AP2B1: variants seen among roughly 807,000 people sequenced by gnomAD.
AP2B1 encodes adaptor related protein complex 2 subunit beta 1.
A neutral mutation model predicts 102.0 loss-of-function variants in AP2B1; 23 were observed. That is an observed-to-expected ratio of 0.23 (90% CI 0.16 to 0.32). The LOEUF (loss-of-function observed/expected upper bound fraction) is 0.32. Ranked by LOEUF, AP2B1 falls within the 10% of genes least tolerant of loss-of-function variation. The pLI is 1.00. For synonymous variants in AP2B1, 381 were observed against 421.2 expected (o/e 0.90, Z 1.17); for missense variants, 541 against 1,157.4 (o/e 0.47, Z 7.73).
chr17:35,671,634 A>AT (rs753173626), intron 15 of AP2B1, 120 bp from the exon 16 acceptor site: 325 of 1,001,292 alleles, frequency 3.2e-4, no homozygotes, highest in Non-Finnish European at 4.5e-4. Flanking sequence ...TCCTAAGAAT[A>AT]TTGTAATTAT....
At chr17:35,625,333 A>G (rs1238894517) in intron 6 of AP2B1, among the ~76,000 whole-genome samples, 1 of 152,200 alleles carries the variant, frequency 6.6e-6, no homozygotes, top group South Asian at 2.1e-4. Context: ...CTGATTTCCA[A>G]GCTACTAGAA....
At chr17:35,620,346 G>T (rs190804254) in intron 5 of AP2B1, among the ~76,000 whole-genome samples, 392 of 152,018 alleles carry the variant, frequency 2.6e-3, no homozygotes, top group African/African-American at 8.9e-3. Flanking sequence ...CAGGCATGGT[G>T]GCATGCACTG....
At chr17:35,618,788 G>A (rs140931500) in intron 5 of AP2B1, among the ~76,000 whole-genome samples, 5 of 151,952 alleles carry the variant, frequency 3.3e-5, no homozygotes, top group Non-Finnish European at 7.4e-5. Flanking sequence ...AACAAAATGA[G>A]GTCAAATTTA....
At chr17:35,715,125 T>C (rs1555589268) in intron 20 of AP2B1, among the ~76,000 whole-genome samples, 1 of 152,212 alleles carries the variant, frequency 6.6e-6, no homozygotes, top group Non-Finnish European at 1.5e-5. Flanking sequence ...CACATACTAA[T>C]GTTATGGAAC....
At chr17:35,625,337 A>C (rs182793581) in intron 6 of AP2B1, among the ~76,000 whole-genome samples, 2 of 152,238 alleles carry the variant, frequency 1.3e-5, no homozygotes, top group Non-Finnish European at 2.9e-5. Flanking sequence ...TTTCCAAGCT[A>C]CTAGAATGTA....
At chr17:35,602,387 C>T (rs1353448899) in intron 3 of AP2B1, among the ~76,000 whole-genome samples, 1 of 152,146 alleles carries the variant, frequency 6.6e-6, no homozygotes, top group African/African-American at 2.4e-5. Flanking sequence ...AAAGATAGTG[C>T]AAAGAAATAA....
intron 11 of AP2B1, among the ~76,000 whole-genome samples, chr17:35,641,597 A>AT (rs1348842995): frequency 6.6e-6 from 1 of 152,124 alleles, no homozygotes; most frequent in Non-Finnish European, 1.5e-5. Context: ...AATAATAATA[A>AT]ACACAGGTAA....
chr17:35,666,285 G>A (rs1217195741), intron 14 of AP2B1, among the ~76,000 whole-genome samples: 1 of 152,046 alleles, frequency 6.6e-6, no homozygotes, highest in Non-Finnish European at 1.5e-5. Flanking sequence ...ACACATTATT[G>A]TGTAGTTTAA....
rs28524622 is a variant in AP2B1 at position 35,710,728 on chromosome 17, T to C, written c.2626+408T>C. On this transcript the variant is annotated intron_variant, in intron 20 of 21. Coordinates refer to ENST00000610402, the MANE Select transcript of AP2B1 (RefSeq NM_001030006.2). ...AAGGTTAACTTTCTTTCTTAGATTC[T>C]GTACTTAGAACCCTGTGTTTATAAT... is the stretch of plus-strand genomic sequence containing the variant. 6.7e-3 allele frequency among the ~76,000 whole-genome samples: 1,022 copies of C among 152,326 alleles called. 15 individuals carry two copies. Among genetic ancestry groups the C allele is most frequent in the African/African-American group, 0.023 (953 of 41,564 alleles).
In AP2B1 at chr17:35,594,012, A is replaced by T. The variant is rs769591788; in HGVS notation, c.-19A>T. ...AATTCTTTTCTCTTGCTATAGGTGC[A>T]CATTAAAGATCCAAAGTCATGACTG... On this transcript the variant is annotated 5_prime_UTR_variant, in exon 2 of 22. Coordinates refer to ENST00000610402, the MANE Select transcript of AP2B1 (RefSeq NM_001030006.2). The T allele has an allele frequency of 1.3e-6, 2 of 1,571,204 alleles. No individual in the cohort carries two copies. Among genetic ancestry groups the T allele is most frequent in the Non-Finnish European group, 1.7e-6 (2 of 1,153,174 alleles).
At chr17:35,599,132 T>C (rs2073391694) in intron 3 of AP2B1, among the ~76,000 whole-genome samples, 1 of 152,262 alleles carries the variant, frequency 6.6e-6, no homozygotes, top group South Asian at 2.1e-4. Flanking sequence ...ACCTTTTTAA[T>C]ATTGTGTTTG....
chr17:35,654,079 TGA>T (rs1299787684), intron 13 of AP2B1, among the ~76,000 whole-genome samples: 1 of 152,038 alleles, frequency 6.6e-6, no homozygotes, highest in Admixed American at 6.6e-5. Context: ...TTTTTTTTTT[TGA>T]GATGTAGTCT....
intron 9 of AP2B1, among the ~76,000 whole-genome samples, chr17:35,629,154 G>A (rs117132030): frequency 2.0e-5 from 3 of 152,044 alleles, no homozygotes; most frequent in Admixed American, 2.0e-4. Flanking sequence ...CGCCATGTTG[G>A]CTGGGCTGGT....
intron 9 of AP2B1, among the ~76,000 whole-genome samples, chr17:35,628,782 C>G (rs1253791866): frequency 2.0e-5 from 3 of 152,154 alleles, no homozygotes; most frequent in Non-Finnish European, 4.4e-5. Flanking sequence ...GTTTTTGTTC[C>G]TATATCCATT....
At chr17:35,710,567 C>A (rs2076425773) in intron 20 of AP2B1, among the ~76,000 whole-genome samples, 1 of 152,220 alleles carries the variant, frequency 6.6e-6, no homozygotes. Context: ...CTACCCATTT[C>A]TTCACTAAAG....
rs1297965028 is a variant in AP2B1, at chr17:35,607,266, A to AGAC, written c.280-875_280-873dup. Among the ~76,000 whole-genome samples the AGAC allele has an allele frequency of 7.2e-5, 11 of 152,224 alleles. No homozygotes were observed. In the East Asian group the frequency reaches 2.1e-3, roughly 29 times the overall value. The stretch of plus-strand genomic sequence containing the variant: ...AACTTAGTGTACATTTAAAAAAAAC[A>AGAC]GACAGCATTTCTAAAATTAGCTTCT... On this transcript the variant is annotated intron_variant, in intron 4 of 21. Transcript: ENST00000610402.
At chr17:35,653,868 G>C (rs1450550165) in intron 13 of AP2B1, among the ~76,000 whole-genome samples, 5 of 152,086 alleles carry the variant, frequency 3.3e-5, no homozygotes, top group African/African-American at 1.2e-4. Flanking sequence ...CCTTGTTGCT[G>C]TCAGGCTTCT....
chr17:35,607,526 A>G (rs1166069344), intron 4 of AP2B1, among the ~76,000 whole-genome samples: 2 of 152,210 alleles, frequency 1.3e-5, no homozygotes, highest in Non-Finnish European at 2.9e-5. Context: ...AAGGCAGTTT[A>G]AAAGAGTGTT....
chr17:35,633,304 G>A (rs1280572111), intron 9 of AP2B1, among the ~76,000 whole-genome samples: 5 of 150,046 alleles, frequency 3.3e-5, no homozygotes, highest in African/African-American at 1.2e-4. Flanking sequence ...AGGTTGCAAT[G>A]AGCATAGATT....
Sources: allele counts gnomAD v4.1 joint callset (sites outside exome capture counted in the v4.1 genomes callset), GRCh38; gene constraint gnomAD v4.1.1; transcripts MANE v1.5; gene names NCBI Gene and HGNC (gene_info 2026-07-23, HGNC 2026-07-21).